The following EFNB2 variants were observed in gnomAD, a reference collection of about 807,000 sequenced individuals.
EFNB2 encodes the protein ephrin B2, also known as ephrin-B2.
Under a neutral mutation model 32.1 loss-of-function variants are expected in EFNB2, and 5 were observed. The ratio of observed to expected loss-of-function variants is 0.16; its 90% CI spans 0.08 to 0.33. The LOEUF is 0.33. EFNB2 is among the 10% of genes least tolerant of loss of function. The probability of loss-of-function intolerance (pLI) is 1.00; values close to 1 mark genes in which losing one functional copy is unlikely to be tolerated. For synonymous variants in EFNB2, 168 were observed against 166.5 expected, an observed-to-expected ratio of 1.01 and a Z score of -0.07; for missense variants, 263 against 422.6, an observed-to-expected ratio of 0.62 and a Z score of 3.31.
At position 106,492,873 on chromosome 13, in the gene EFNB2, G is replaced by C; in HGVS notation, c.*167C>G. ...TGTTCACCAAGGCCGAATGCTACAA[G>C]ACTAGGTAAGCTGTCCAGCGCGACG... On this transcript the variant is annotated 3_prime_UTR_variant, in exon 5 of 5. Transcript: ENST00000646441. The surrounding 1 kb of genome is among the most constrained non-coding windows in gnomAD (Gnocchi z 5.1). 1 of 857,928 alleles carries C rather than the reference G, an allele frequency of 1.2e-6. No individual in the cohort carries two copies. The highest frequency in any genetic ancestry group is 1.8e-5 in the South Asian group (1 of 54,730). The allele number at this position is 857,928 out of a possible 1,614,324, so 53.1% of individuals were successfully genotyped here.
At chr13:106,512,475 A>G in intron 2 of EFNB2, 54 bp downstream of exon 2, 1 of 1,199,802 alleles carries the variant, frequency 8.3e-7, no homozygotes, top group Non-Finnish European at 1.1e-6. Flanking sequence ...ATTGATACAA[A>G]CCTATATAGC....
Position 106,492,925 on chromosome 13 carries a change from T to TC in EFNB2, c.*114dup, listed in dbSNP as rs1191408198. 1.0e-5 allele frequency: 14 copies of TC among 1,376,058 alleles called. No individual in the cohort carries two copies. The highest frequency in any genetic ancestry group is 1.4e-5 in the African/African-American group (1 of 69,252). The allele number at this position is 1,376,058 out of a possible 1,614,324, so 85.2% of individuals were successfully genotyped here. On this transcript the variant is annotated 3_prime_UTR_variant, in exon 5 of 5. Coordinates refer to ENST00000646441, the MANE Select transcript of EFNB2 (RefSeq NM_004093.4). The surrounding 1 kb of genome is among the most constrained non-coding windows in gnomAD (Gnocchi z 5.1). ...GCTCTTCCGAGGAGGAGTGTCCCTC[T>TC]CCCCCGGTGCTGTGCTTCAGTCAAT...
intron 1 of EFNB2, chr13:106,519,227 T>G (rs1879417482): frequency 6.6e-6 from 1 of 152,196 alleles, no homozygotes; most frequent in Non-Finnish European, 1.5e-5. Context: ...GTGGGAAAGC[T>G]TCTATTTAAA....
At position 106,495,107 on chromosome 13, in the gene EFNB2, T is replaced by C. The variant is rs922770898; in HGVS notation, c.500-113A>G. The C allele has an allele frequency of 1.8e-5, 14 of 777,624 alleles. No homozygotes were observed. The African/African-American group carries it at 2.3e-4, about 13-fold the overall frequency. 48.2% of individuals were successfully genotyped at this position (777,624 alleles called of 1,614,324 possible). A position where few individuals can be genotyped will look rare whatever the true frequency, so the allele number is the denominator to read the frequency against. ...ATAGCAATGAACATAAGAGTCTTTATGCAAAGTACTGTGAAATACAAGAAT... is the reference window on the plus strand; with the variant it reads ...ATAGCAATGAACATAAGAGTCTTTACGCAAAGTACTGTGAAATACAAGAAT... On this transcript the variant is annotated intron_variant, in intron 3 of 4. Coordinates refer to ENST00000646441, the MANE Select transcript of EFNB2 (RefSeq NM_004093.4).
chr13:106,502,794 C>A (rs1439152435), intron 2 of EFNB2, among the ~76,000 whole-genome samples: 4 of 152,142 alleles, frequency 2.6e-5, no homozygotes, highest in Admixed American at 6.5e-5. Flanking sequence ...TTTGACTATA[C>A]AGACCTGGAA....
At chr13:106,530,466 CTTT>C (rs1184831994) in intron 1 of EFNB2, among the ~76,000 whole-genome samples, 3 of 152,170 alleles carry the variant, frequency 2.0e-5, no homozygotes, top group African/African-American at 7.2e-5. Context: ...AAAACAGGTT[CTTT>C]ATGTCAGCAG....
chr13:106,533,463 C>G (rs1879951663), intron 1 of EFNB2, among the ~76,000 whole-genome samples: 1 of 152,220 alleles, frequency 6.6e-6, no homozygotes, highest in South Asian at 2.1e-4. Context: ...TGGAAGGAGG[C>G]AGAGCTAAGT....
At chr13:106,511,537 G>A (rs1323698158) in intron 2 of EFNB2, among the ~76,000 whole-genome samples, 1 of 152,134 alleles carries the variant, frequency 6.6e-6, no homozygotes, top group Non-Finnish European at 1.5e-5. Context: ...AAGAGTTTCA[G>A]TTTGATCACC....
rs1370372366 is a variant in EFNB2 at position 106,490,000 on chromosome 13, C to T, written c.*3040G>A. 2 of 152,570 alleles carry T rather than the reference C, an allele frequency of 1.3e-5. No individual in the cohort carries two copies. Among genetic ancestry groups the T allele is most frequent in the African/African-American group, 2.4e-5 (1 of 41,432 alleles). 9.5% of individuals were successfully genotyped at this position (152,570 alleles called of 1,614,324 possible). ...ATATTCATGGTACATAATTACGGCA[C>T]AAATATGCAGCAATTTGGCAACCTT... On this transcript the variant is annotated 3_prime_UTR_variant, in exon 5 of 5. Transcript: ENST00000646441.
rs140447303 is a variant in EFNB2 at position 106,515,289 on chromosome 13, C to T, written c.123-2477G>A. ...AGCCTTTTAATTCATTTTACAAACA[C>T]GCCAGGCCTTCCTTGATGTAAAGTT... On this transcript the variant is annotated intron_variant, in intron 1 of 4. Coordinates refer to ENST00000646441, the MANE Select transcript of EFNB2 (RefSeq NM_004093.4). Among the ~76,000 whole-genome samples, 432 of 152,250 alleles carry T rather than the reference C, an allele frequency of 2.8e-3. 1 individual carries two copies. The highest frequency in any genetic ancestry group is 9.8e-3 in the African/African-American group (407 of 41,540).
In EFNB2 at chr13:106,493,300, G is replaced by C. The variant is rs775214873; in HGVS notation, c.742C>G (p.Leu248Val). 1 of 1,614,160 alleles carries C rather than the reference G, an allele frequency of 6.2e-7. No homozygotes were observed. ...FIVIIITLVV[L>V]LLKYRRRHRK... ...TGTCTCCTCCGGTACTTCAGCAAGA[G>C]GACCACCAGCGTGATGATGATGACG... Residue 248 changes from leucine (L) to valine (V), a missense_variant, in exon 5 of 5, where the codon CTC becomes GTC. Physicochemically the swap from Leu to Val is conservative, Grantham distance 32. Coordinates refer to ENST00000646441, the MANE Select transcript of EFNB2 (RefSeq NM_004093.4). This position sits in a 1 kb window ranked among gnomAD's most constrained non-coding sequence, Gnocchi z 6.1.
chr13:106,529,638 C>A (rs561180867), intron 1 of EFNB2, among the ~76,000 whole-genome samples: 1 of 152,200 alleles, frequency 6.6e-6, no homozygotes, highest in African/African-American at 2.4e-5. Context: ...TTTTCAGAGA[C>A]GTGTCATTTC....
chr13:106,495,689 T>C (rs2138899661), intron 3 of EFNB2, 59 bp downstream of exon 3: 1 of 1,535,582 alleles, frequency 6.5e-7, no homozygotes, highest in Non-Finnish European at 9.0e-7. Flanking sequence ...ATTAGCACCA[T>C]ACTAGCTGGG....
intron 2 of EFNB2, among the ~76,000 whole-genome samples, chr13:106,511,527 AAG>A (rs1436479348): frequency 6.6e-6 from 1 of 152,170 alleles, no homozygotes; most frequent in Admixed American, 6.5e-5. Flanking sequence ...GTTGAGATGC[AAG>A]AGTTTCAGTT....
At chr13:106,532,057 A>T (rs1879888606) in intron 1 of EFNB2, among the ~76,000 whole-genome samples, 3 of 98,286 alleles carry the variant, frequency 3.1e-5, no homozygotes, top group South Asian at 3.9e-4. Context: ...CTGCTGAATT[A>T]AAAAAAAAAC....
Position 106,507,836 on chromosome 13 carries a change from C to T in EFNB2, c.406+4693G>A, listed in dbSNP as rs376037952. ...AACAGTCCTTCGGAAAGATGACTTA[C>T]GGACTATGCCACAAGATGTGTCTTA... On this transcript the variant is annotated intron_variant, in intron 2 of 4. Transcript: ENST00000646441. Among the ~76,000 whole-genome samples the T allele has an allele frequency of 1.5e-4, 23 of 152,266 alleles. No individual in the cohort carries two copies. The South Asian group carries it at 3.7e-3, about 25-fold the overall frequency.
intron 1 of EFNB2, among the ~76,000 whole-genome samples, chr13:106,514,346 C>T (rs2391333): frequency 0.32 from 48,663 of 152,078 alleles, 8,783 homozygotes; most frequent in Non-Finnish European, 0.39. Flanking sequence ...GTGGGAGCCT[C>T]TCTGTGGTAT....
chr13:106,515,308 TA>T (rs1879277094), intron 1 of EFNB2, among the ~76,000 whole-genome samples: 1 of 152,228 alleles, frequency 6.6e-6, no homozygotes, highest in Admixed American at 6.5e-5. Flanking sequence ...TTCCTTGATG[TA>T]AAGTTTTCAT....
At chr13:106,502,966 A>T (rs1216761433) in intron 2 of EFNB2, among the ~76,000 whole-genome samples, 1 of 152,166 alleles carries the variant, frequency 6.6e-6, no homozygotes, top group African/African-American at 2.4e-5. Context: ...ATGTACACTG[A>T]CGCTTTTCTG....
Sources: gnomAD v4.1 joint callset for allele counts (sites outside exome capture counted in the v4.1 genomes callset) on GRCh38, gnomAD v4.1.1 for gene constraint, Gnocchi (gnomAD v3.1) non-coding constraint, MANE v1.5 for transcripts, NCBI Gene and HGNC (gene_info 2026-07-23, HGNC 2026-07-21) for gene names.